Variants in ELMO1 observed in about 807,000 individuals in gnomAD.
ELMO1 encodes engulfment and cell motility 1.
ELMO1 carries 26 observed loss-of-function variants against 98.9 expected under a neutral mutation model. That is an observed-to-expected ratio of 0.26 (90% CI 0.19 to 0.36). The LOEUF is 0.36. Among genes scored for constraint, ELMO1 ranks in the 10% least tolerant of loss-of-function variants. The pLI is 1.00. For synonymous variants in ELMO1, 346 were observed against 346.0 expected (o/e 1.00, Z 0.00); for missense variants, 627 against 935.2 (o/e 0.67, Z 4.30).
rs1793381280 is a variant in ELMO1 at position 37,217,850 on chromosome 7, T to TTTGAACGCCCCTGCTGACCCACTGCA, written c.781-1181_781-1156dup. ...ACTCTGTTAGAGGTTGACCACTGTA[T>TTTGAACGCCCCTGCTGACCCACTGCA]TTGAACGCCCCTGCTGACCCACTGC... On this transcript the variant is annotated intron_variant, in intron 10 of 21. Transcript: ENST00000310758. 111 of 454,768 alleles carry TTTGAACGCCCCTGCTGACCCACTGCA rather than the reference T, an allele frequency of 2.4e-4. 2 individuals carry two copies. The highest frequency in any genetic ancestry group is 1.7e-3 in the South Asian group (107 of 64,426). The allele number at this position is 454,768 out of a possible 1,614,324, so 28.2% of individuals were successfully genotyped here. A position where few individuals can be genotyped will look rare whatever the true frequency, so the allele number is the denominator to read the frequency against.
chr7:37,386,666 G>A (rs1357481579), intron 1 of ELMO1, among the ~76,000 whole-genome samples: 5 of 152,084 alleles, frequency 3.3e-5, no homozygotes, highest in Admixed American at 3.3e-4. Flanking sequence ...ACTCGTGTCA[G>A]GTAAGTAGAG....
chr7:37,331,394 G>C (rs1461122440), intron 2 of ELMO1, among the ~76,000 whole-genome samples: 2 of 122,990 alleles, frequency 1.6e-5, no homozygotes, highest in African/African-American at 6.1e-5. Context: ...GTGTTAGCCA[G>C]GATGGTCTCG....
intron 4 of ELMO1, among the ~76,000 whole-genome samples, chr7:37,278,919 G>A (rs1039923593): frequency 5.9e-5 from 9 of 152,208 alleles, no homozygotes; most frequent in African/African-American, 1.9e-4. Flanking sequence ...AGTGTGTGAG[G>A]GGCCAGGCGC....
intron 14 of ELMO1, among the ~76,000 whole-genome samples, chr7:37,121,708 T>A (rs1786057563): frequency 6.6e-6 from 1 of 152,206 alleles, no homozygotes; most frequent in South Asian, 2.1e-4. Context: ...CTCTACAGGA[T>A]ATCATCCAGG....
At position 36,914,670 on chromosome 7, in the gene ELMO1, C is replaced by T. The variant is rs565115853; in HGVS notation, c.1438-19653G>A. 1.9e-4 allele frequency among the ~76,000 whole-genome samples: 29 copies of T among 152,156 alleles called. 2 individuals are homozygous for T. The highest frequency in any genetic ancestry group is 3.8e-4 in the Non-Finnish European group (26 of 67,994). The stretch of plus-strand genomic sequence containing the variant: ...CTGGGACTACAGGTGTGGGCCACCA[C>T]GCCTAGCTAATTTTTGTATTTTTAG... On this transcript the variant is annotated intron_variant, in intron 16 of 21. Coordinates refer to ENST00000310758, the MANE Select transcript of ELMO1 (RefSeq NM_014800.11).
At chr7:37,334,156 C>A (rs1449244986) in intron 2 of ELMO1, among the ~76,000 whole-genome samples, 1 of 152,218 alleles carries the variant, frequency 6.6e-6, no homozygotes, top group African/African-American at 2.4e-5. Flanking sequence ...ATGAGTGATT[C>A]TGATACAGAA....
At chr7:37,217,921 T>C (rs73108954) in intron 10 of ELMO1, among the ~76,000 whole-genome samples, 182 of 152,276 alleles carry the variant, frequency 1.2e-3, no homozygotes, top group Middle Eastern at 3.4e-3. Context: ...AAAAGCTAGA[T>C]GGCACTCAAG....
rs1167353064 is a variant in ELMO1 at position 36,870,245 on chromosome 7, C to T, written c.1905+148G>A. 4.8e-6 allele frequency: 3 copies of T among 628,250 alleles called. No individual in the cohort carries two copies. Among genetic ancestry groups the T allele is most frequent in the East Asian group, 2.8e-5 (1 of 35,458 alleles). The allele number at this position is 628,250 out of a possible 1,614,324, so 38.9% of individuals were successfully genotyped here. On this transcript the variant is annotated intron_variant, in intron 20 of 21. Transcript: ENST00000310758. This position sits in a 1 kb window ranked among gnomAD's most constrained non-coding sequence, Gnocchi z 4.4. ...TAAGGGTAAGAGACGTAAAAGGAAT[C>T]GGGACAGGAAACAGGAGAGCTGAAT...
chr7:37,373,147 T>C (rs1471464990), intron 1 of ELMO1, among the ~76,000 whole-genome samples: 1 of 152,218 alleles, frequency 6.6e-6, no homozygotes, highest in Non-Finnish European at 1.5e-5. Context: ...GGTGTAACAC[T>C]GAAGACGGCG....
chr7:37,126,761 C>T (rs1786549639), intron 14 of ELMO1, among the ~76,000 whole-genome samples: 2 of 152,180 alleles, frequency 1.3e-5, no homozygotes, highest in Admixed American at 6.5e-5. Flanking sequence ...ACAGCCACTG[C>T]GCATGGCTCC....
rs181309810 is a variant in ELMO1 at position 36,903,817 on chromosome 7, C to T, written c.1438-8800G>A. On this transcript the variant is annotated intron_variant, in intron 16 of 21. Coordinates refer to ENST00000310758, the MANE Select transcript of ELMO1 (RefSeq NM_014800.11). ...ATGCCAACCAAAGAGCTGAGTCCTC[C>T]GCTTGTTACTGCCCACAGTTTTCCT... Among the ~76,000 whole-genome samples, 11 of 152,360 alleles carry T rather than the reference C, an allele frequency of 7.2e-5. No individual in the cohort carries two copies. The East Asian group carries it at 1.7e-3, about 24-fold the overall frequency.
chr7:37,225,336 CAGA>C (rs1793806340), intron 8 of ELMO1, among the ~76,000 whole-genome samples: 1 of 152,154 alleles, frequency 6.6e-6, no homozygotes, highest in African/African-American at 2.4e-5. Flanking sequence ...CTTTTAGGGG[CAGA>C]CAATTTCAAC....
At chr7:37,288,083 C>T (rs910634057) in intron 4 of ELMO1, among the ~76,000 whole-genome samples, 1 of 152,090 alleles carries the variant, frequency 6.6e-6, no homozygotes, top group African/African-American at 2.4e-5. Context: ...CCTCAGTCTC[C>T]CAAGTAGTTT....
chr7:36,946,971 A>T (rs1389237831), intron 16 of ELMO1, among the ~76,000 whole-genome samples: 1 of 152,102 alleles, frequency 6.6e-6, no homozygotes, highest in Non-Finnish European at 1.5e-5. Flanking sequence ...TCTTTTTGTT[A>T]TTTTTTAAAA....
chr7:37,411,339 T>C (rs1803984534), intron 1 of ELMO1, among the ~76,000 whole-genome samples: 1 of 152,238 alleles, frequency 6.6e-6, no homozygotes. Context: ...ACGAAATCAC[T>C]GTAACAAGCT....
At chr7:37,225,277 C>T (rs1051984614) in intron 8 of ELMO1, among the ~76,000 whole-genome samples, 1 of 152,158 alleles carries the variant, frequency 6.6e-6, no homozygotes, top group Non-Finnish European at 1.5e-5. Context: ...GACACACCTC[C>T]AAGGATTATT....
At chr7:37,343,296 C>T (rs1800815484) in intron 1 of ELMO1, 1 of 153,016 alleles carries the variant, frequency 6.5e-6, no homozygotes, top group African/African-American at 2.4e-5. Flanking sequence ...ACATGCACAC[C>T]CATACTCCCT....
chr7:36,856,790 T>C (rs909455490), intron 21 of ELMO1, among the ~76,000 whole-genome samples: 5 of 152,222 alleles, frequency 3.3e-5, no homozygotes, highest in Non-Finnish European at 5.9e-5. Flanking sequence ...TTTAGGTTTC[T>C]AGTAGTCCTA....
At chr7:36,934,480 G>C (rs1019594603) in intron 16 of ELMO1, among the ~76,000 whole-genome samples, 5 of 118,330 alleles carry the variant, frequency 4.2e-5, no homozygotes, top group African/African-American at 1.4e-4. Flanking sequence ...AGGGAAATGG[G>C]AACCCTCAGG....
Sources: gnomAD v4.1 joint callset for allele counts (sites outside exome capture counted in the v4.1 genomes callset) on GRCh38, gnomAD v4.1.1 for gene constraint, Gnocchi (gnomAD v3.1) non-coding constraint, MANE v1.5 for transcripts, NCBI Gene and HGNC (gene_info 2026-07-23, HGNC 2026-07-21) for gene names.